Variants in SAP130 observed in about 807,000 individuals in gnomAD.
The protein encoded by SAP130 is Sin3A associated protein 130.
Under a neutral mutation model 103.2 loss-of-function variants are expected in SAP130, and 16 were observed. The observed-to-expected ratio is 0.16, with a 90% CI of 0.10 to 0.24. SAP130 has a LOEUF of 0.24. Ranked by LOEUF, SAP130 falls within the 10% of genes least tolerant of loss-of-function variation. The pLI, the probability that SAP130 is intolerant of heterozygous loss-of-function variation, is 1.00. For missense variants in SAP130, 990 were observed against 1,359.7 expected (o/e 0.73, Z 4.28); for synonymous variants, 477 against 497.0 (o/e 0.96, Z 0.53).
At chr2:127,944,061 T>G (rs1031248054) in intron 19 of SAP130, among the ~76,000 whole-genome samples, 1 of 152,204 alleles carries the variant, frequency 6.6e-6, no homozygotes, top group African/African-American at 2.4e-5. Context: ...TGAGAGTGTC[T>G]TACTCTGTTA....
chr2:128,026,044 ATAGTAATATACCCT>A, intron 2 of SAP130, 123 bp downstream of exon 2: 1 of 634,570 alleles, frequency 1.6e-6, no homozygotes, highest in South Asian at 2.2e-5. Context: ...TTAAATTAGA[ATAGTAATATACCCT>A]TTCTTCAAAT....
intron 14 of SAP130, among the ~76,000 whole-genome samples, chr2:127,982,225 G>A (rs1013132366): frequency 2.0e-5 from 3 of 151,516 alleles, no homozygotes; most frequent in African/African-American, 7.3e-5. Context: ...TCAACAGAAG[G>A]ATATTTCATA....
intron 7 of SAP130, among the ~76,000 whole-genome samples, chr2:128,005,205 A>C (rs745763605): frequency 2.0e-5 from 3 of 152,242 alleles, no homozygotes; most frequent in Non-Finnish European, 4.4e-5. Flanking sequence ...ACTGCTCAGC[A>C]GTTTCAAGAA....
intron 2 of SAP130, among the ~76,000 whole-genome samples, chr2:128,018,744 C>A (rs1684956519): frequency 6.6e-6 from 1 of 151,160 alleles, no homozygotes; most frequent in Non-Finnish European, 1.5e-5. Context: ...GTGAGCCAAG[C>A]CATGATTGTG....
At chr2:128,013,823 A>C (rs1684568864) in intron 5 of SAP130, among the ~76,000 whole-genome samples, 1 of 152,228 alleles carries the variant, frequency 6.6e-6, no homozygotes, top group Non-Finnish European at 1.5e-5. Flanking sequence ...CCAGCCACTC[A>C]GGAGGCTAAA....
At chr2:127,995,102 G>A (rs1224231397) in intron 11 of SAP130, among the ~76,000 whole-genome samples, 1 of 152,174 alleles carries the variant, frequency 6.6e-6, no homozygotes, top group South Asian at 2.1e-4. Flanking sequence ...TGGGGGAAGC[G>A]ATGGGGTTGA....
chr2:128,010,370 G>A lies in SAP130; in HGVS notation c.768C>T (p.Ser256=). 1 of 1,613,874 alleles carries A rather than the reference G, an allele frequency of 6.2e-7. No homozygotes were observed. The highest frequency in any genetic ancestry group is 8.5e-7 in the Non-Finnish European group (1 of 1,179,878). ...PIQSRPPVTT[S]NAIPPAVVAT... is the part of the protein sequence containing the mutation. ...CTACCACAGCAGGAGGGATGGCATT[G>A]GAGGTGGTCACAGGTGGCCGAGACT... Residue 256 remains serine, a synonymous_variant, in exon 7 of 21, where the codon TCC becomes TCT. Coordinates refer to ENST00000643581, the MANE Select transcript of SAP130 (RefSeq NM_001330301.2).
intron 15 of SAP130, among the ~76,000 whole-genome samples, chr2:127,958,639 A>T (rs1051946301): frequency 3.7e-4 from 2 of 5,400 alleles, no homozygotes; most frequent in African/African-American, 5.1e-4. Context: ...GACAGATGAG[A>T]GAGAGAGAGA....
chr2:127,947,401 G>A (rs1679160923), intron 18 of SAP130, among the ~76,000 whole-genome samples: 1 of 152,124 alleles, frequency 6.6e-6, no homozygotes, highest in African/African-American at 2.4e-5. Context: ...ATTCTACTTG[G>A]TCAAGGTATA....
In SAP130 at chr2:127,950,162, A is replaced by G; in HGVS notation, c.2669T>C (p.Ile890Thr). Residue 890 changes from isoleucine to threonine, a missense_variant and splice_region_variant, in exon 17 of 21, where the codon ATT (isoleucine) becomes ACT (threonine). Ile to Thr is a moderately conservative substitution (Grantham distance 89). This residue lies in a region of SAP130 where 61 missense variants were observed against 73.8 expected (regional missense o/e 0.83). Coordinates refer to ENST00000643581, the MANE Select transcript of SAP130 (RefSeq NM_001330301.2). ...EKRKSPPKEY[I>T]DEEGVRYVPV... is the part of the protein sequence containing the mutation. ...ACAAGTCAGCCTGTGACCATTACCA[A>G]TATACTCCTTGGGAGGAGACTTGCG... The G allele has an allele frequency of 6.2e-7, 1 of 1,614,180 alleles. No individual in the cohort carries two copies. Among genetic ancestry groups the G allele is most frequent in the South Asian group, 1.1e-5 (1 of 91,086 alleles).
chr2:128,014,391 C>T (rs530220331), intron 5 of SAP130, among the ~76,000 whole-genome samples: 1 of 150,370 alleles, frequency 6.7e-6, no homozygotes, highest in African/African-American at 2.5e-5. Flanking sequence ...TGCCATCCTC[C>T]TATCTCAGCC....
At chr2:127,984,661 C>T (rs1393034445) in intron 14 of SAP130, among the ~76,000 whole-genome samples, 1 of 152,170 alleles carries the variant, frequency 6.6e-6, no homozygotes, top group Non-Finnish European at 1.5e-5. Flanking sequence ...TCAAGTTCAC[C>T]TGCCAGAGTT....
intron 16 of SAP130, 117 bp downstream of exon 16, chr2:127,954,868 TA>T: frequency 1.3e-6 from 1 of 746,424 alleles, no homozygotes; most frequent in Non-Finnish European, 2.2e-6. Flanking sequence ...ATGCAACATC[TA>T]AAATGGGTTA....
intron 4 of SAP130, among the ~76,000 whole-genome samples, chr2:128,015,907 C>T (rs1462578663): frequency 6.7e-6 from 1 of 149,880 alleles, no homozygotes; most frequent in Non-Finnish European, 1.5e-5. Context: ...CACCACTACA[C>T]TCCAGCTTGG....
At position 127,955,429 on chromosome 2, in the gene SAP130, A is replaced by C; in HGVS notation, c.2064-85T>G. Reference sequence around the variant, plus strand: ...CATCTCAGAGGATGAGTATTTGTCCAATTATTTCTGTCCAGCACACTGCAC... The same window carrying C: ...CATCTCAGAGGATGAGTATTTGTCCCATTATTTCTGTCCAGCACACTGCAC... On this transcript the variant is annotated intron_variant, in intron 15 of 20. Transcript: ENST00000643581. The surrounding 1 kb of genome is among the most constrained non-coding windows in gnomAD (Gnocchi z 4.9). The C allele has an allele frequency of 2.3e-6, 2 of 868,558 alleles. No homozygotes were observed. Among genetic ancestry groups the C allele is most frequent in the Non-Finnish European group, 3.6e-6 (2 of 554,742 alleles). 53.8% of individuals were successfully genotyped at this position (868,558 alleles called of 1,614,324 possible).
intron 7 of SAP130, 47 bp downstream of exon 7, chr2:128,010,222 G>A: frequency 4.5e-6 from 7 of 1,565,852 alleles, no homozygotes; most frequent in Non-Finnish European, 6.1e-6. Context: ...AAAGAGTGAA[G>A]GAGGAGGATG....
chr2:127,975,106 T>C (rs1310396295), intron 15 of SAP130, among the ~76,000 whole-genome samples: 1 of 151,870 alleles, frequency 6.6e-6, no homozygotes, highest in Non-Finnish European at 1.5e-5. Context: ...AACTAACAGA[T>C]GCCCATCATG....
In SAP130 at chr2:128,020,982, T is replaced by A. The variant is rs182541379; in HGVS notation, c.113-3067A>T. On this transcript the variant is annotated intron_variant, in intron 2 of 20. Coordinates refer to ENST00000643581, the MANE Select transcript of SAP130 (RefSeq NM_001330301.2). ...TCCAGCCTGGGCAACGAAGCAAGAC[T>A]CTGTCTCAAAAAAAAAGTGAAATGG... 3.7e-3 allele frequency among the ~76,000 whole-genome samples: 568 copies of A among 152,064 alleles called. 3 individuals are homozygous for A. The highest frequency in any genetic ancestry group is 0.013 in the African/African-American group (530 of 41,468).
intron 15 of SAP130, among the ~76,000 whole-genome samples, chr2:127,966,525 A>C (rs1240803106): frequency 2.0e-5 from 3 of 151,842 alleles, no homozygotes; most frequent in African/African-American, 7.3e-5. Flanking sequence ...CAACATGGTG[A>C]AACCCTGTCT....
Sources: allele counts gnomAD v4.1 joint callset (sites outside exome capture counted in the v4.1 genomes callset), GRCh38; gene constraint gnomAD v4.1.1; regional missense constraint gnomAD v4.1.1; non-coding constraint Gnocchi (gnomAD v3.1); transcripts MANE v1.5; gene names NCBI Gene and HGNC (gene_info 2026-07-23, HGNC 2026-07-21).